Variants in SEPTIN9 observed in about 807,000 individuals in gnomAD.
SEPTIN9 encodes the protein septin-9.
Under a neutral mutation model 56.6 loss-of-function variants are expected in SEPTIN9, and 13 were observed. That is an observed-to-expected ratio of 0.23 (90% confidence interval 0.15 to 0.37). The LOEUF is 0.37. Ranked by LOEUF, SEPTIN9 falls within the 10% of genes least tolerant of loss-of-function variation. The probability of loss-of-function intolerance (pLI) is 1.00; values close to 1 mark genes in which losing one functional copy is unlikely to be tolerated. For missense variants in SEPTIN9, 650 were observed against 823.1 expected, an observed-to-expected ratio of 0.79 and a Z score of 2.57; for synonymous variants, 332 against 334.1, an observed-to-expected ratio of 0.99 and a Z score of 0.07.
At chr17:77,479,949 G>A (rs2039384511) in intron 3 of SEPTIN9, among the ~76,000 whole-genome samples, 2 of 152,182 alleles carry the variant, frequency 1.3e-5, no homozygotes, top group South Asian at 4.1e-4. Context: ...CATGGTCCAT[G>A]GCCAGATGCA....
chr17:77,444,192 G>C (rs181969123), intron 3 of SEPTIN9, among the ~76,000 whole-genome samples: 9 of 152,328 alleles, frequency 5.9e-5, no homozygotes, highest in African/African-American at 1.9e-4. Context: ...TGGCCAGATT[G>C]CAGGGGTCCT....
chr17:77,351,314 A>G (rs546017277), intron 2 of SEPTIN9, among the ~76,000 whole-genome samples: 1 of 152,144 alleles, frequency 6.6e-6, no homozygotes, highest in South Asian at 2.1e-4. Flanking sequence ...TAGGCCTGGC[A>G]GGAAACCGGG....
At chr17:77,351,275 CA>C (rs2034057148) in intron 2 of SEPTIN9, among the ~76,000 whole-genome samples, 1 of 148,552 alleles carries the variant, frequency 6.7e-6, no homozygotes, top group Non-Finnish European at 1.5e-5. Context: ...ACACACGAGT[CA>C]GGGGCGAGCA....
chr17:77,381,427 G>A (rs1449000208), intron 2 of SEPTIN9, among the ~76,000 whole-genome samples: 6 of 151,636 alleles, frequency 4.0e-5, no homozygotes, highest in African/African-American at 1.5e-4. Context: ...CCATGTGCAG[G>A]AAGCTGGTTC....
At chr17:77,459,957 T>A (rs920529985) in intron 3 of SEPTIN9, among the ~76,000 whole-genome samples, 1 of 152,110 alleles carries the variant, frequency 6.6e-6, no homozygotes, top group African/African-American at 2.4e-5. Flanking sequence ...ATTACAGGTG[T>A]GAGCCACCTC....
In SEPTIN9 at chr17:77,451,311, C is replaced by T; in HGVS notation, c.722-30833C>T. The T allele has an allele frequency of 4.2e-6, 4 of 961,484 alleles. No homozygotes were observed. Among genetic ancestry groups the T allele is most frequent in the Non-Finnish European group, 5.0e-6 (4 of 807,686 alleles). 59.6% of individuals were successfully genotyped at this position (961,484 alleles called of 1,614,324 possible). A position where few individuals can be genotyped will look rare whatever the true frequency, so the allele number is the denominator to read the frequency against. On this transcript the variant is annotated intron_variant, in intron 3 of 11. Transcript: ENST00000427177. This position sits in a 1 kb window ranked among gnomAD's most constrained non-coding sequence, Gnocchi z 4.2. ...CCCTATCTCTGCCTGCCCCCTCCTC[C>T]TGCTCCCCTCGCCCTGCCCCCTTGG...
In SEPTIN9 at chr17:77,433,348, G is replaced by C. The variant is rs2037217976; in HGVS notation, c.721+30645G>C. ...CCCGACCTGGTGGCTCCTGCCCCAA[G>C]GAGCAGAAAGGGGGTTCGCTAGGTC... On this transcript the variant is annotated intron_variant, in intron 3 of 11. Transcript: ENST00000427177. The surrounding 1 kb of genome is among the most constrained non-coding windows in gnomAD (Gnocchi z 6.4). Among the ~76,000 whole-genome samples, 1 of 152,246 alleles carries C rather than the reference G, an allele frequency of 6.6e-6. No homozygotes were observed. Among genetic ancestry groups the C allele is most frequent in the Admixed American group, 6.5e-5 (1 of 15,300 alleles).
intron 3 of SEPTIN9, among the ~76,000 whole-genome samples, chr17:77,420,680 A>C (rs1598347544): frequency 1.3e-5 from 2 of 150,364 alleles, no homozygotes; most frequent in East Asian, 2.0e-4. Flanking sequence ...TCTGTCTCCC[A>C]CCCTCTCCCC....
chr17:77,335,675 T>C (rs886535466), intron 2 of SEPTIN9, among the ~76,000 whole-genome samples: 16 of 127,020 alleles, frequency 1.3e-4, no homozygotes, highest in African/African-American at 4.6e-4. Context: ...GGCCCTATGT[T>C]GACTGTATAT....
At chr17:77,314,285 TC>T (rs1453655328) in intron 2 of SEPTIN9, among the ~76,000 whole-genome samples, 1 of 151,020 alleles carries the variant, frequency 6.6e-6, no homozygotes, top group Non-Finnish European at 1.5e-5. Flanking sequence ...CAAGTGATTC[TC>T]CTGCCTCAGC....
At chr17:77,322,539 C>CTTT (rs1387142590) in intron 2 of SEPTIN9, 1 of 152,280 alleles carries the variant, frequency 6.6e-6, no homozygotes, top group East Asian at 1.9e-4. Context: ...CCTGGGCAAA[C>CTTT]TTTAGCGCTG....
chr17:77,401,174 T>C (rs2035884177), intron 2 of SEPTIN9, among the ~76,000 whole-genome samples: 1 of 152,160 alleles, frequency 6.6e-6, no homozygotes, highest in Non-Finnish European at 1.5e-5. Flanking sequence ...CCATCTGTAC[T>C]GGGGGTACTG....
At chr17:77,414,604 G>A (rs1353474909) in intron 3 of SEPTIN9, among the ~76,000 whole-genome samples, 1 of 138,356 alleles carries the variant, frequency 7.2e-6, no homozygotes, top group East Asian at 2.1e-4. Flanking sequence ...TTGAGATAGG[G>A]TCTCACTCTG....
intron 3 of SEPTIN9, among the ~76,000 whole-genome samples, chr17:77,460,103 G>T (rs1419029944): frequency 6.6e-6 from 1 of 151,488 alleles, no homozygotes; most frequent in East Asian, 1.9e-4. Flanking sequence ...CCAACATCAG[G>T]GATCACATTT....
chr17:77,338,549 G>C (rs1206661749), intron 2 of SEPTIN9, among the ~76,000 whole-genome samples: 1 of 152,150 alleles, frequency 6.6e-6, no homozygotes, highest in Non-Finnish European at 1.5e-5. Flanking sequence ...CTCCCGAGTA[G>C]CTGGGACTAC....
chr17:77,293,151 G>A (rs1009331960), intron 1 of SEPTIN9, among the ~76,000 whole-genome samples: 11 of 151,932 alleles, frequency 7.2e-5, no homozygotes, highest in African/African-American at 2.4e-4. Flanking sequence ...CAAGTAGCTC[G>A]GACTATAGGT....
In SEPTIN9 at chr17:77,402,093, G is replaced by C; in HGVS notation, c.111G>C (p.Glu37Asp). 1 of 1,613,778 alleles carries C rather than the reference G, an allele frequency of 6.2e-7. No homozygotes were observed. Among genetic ancestry groups the C allele is most frequent in the Non-Finnish European group, 8.5e-7 (1 of 1,179,742 alleles). Residue 37 changes from glutamate to aspartate, a missense_variant, in exon 3 of 12, where the codon GAG becomes GAC. By Grantham distance (45) the Glu-to-Asp change is conservative. This residue lies in a region of SEPTIN9 where 317 missense variants were observed against 329.1 expected (regional missense o/e 0.96). Transcript: ENST00000427177. The surrounding 1 kb of genome is among the most constrained non-coding windows in gnomAD (Gnocchi z 6.6). ...LKRSFEVEEVETPNSTPPRRV... is the reference protein window; with the variant it reads ...LKRSFEVEEVDTPNSTPPRRV... ...GATCTTTTGAGGTCGAGGAGGTCGA[G>C]ACACCCAACTCCACCCCACCCCGGA...
In SEPTIN9 at chr17:77,323,114, T is replaced by C. The variant is rs2033001534; in HGVS notation, c.76+15917T>C. Among the ~76,000 whole-genome samples, 1 of 152,120 alleles carries C rather than the reference T, an allele frequency of 6.6e-6. No homozygotes were observed. Among genetic ancestry groups the C allele is most frequent in the South Asian group, 2.1e-4 (1 of 4,828 alleles). ...TTAGGAGCCCCAAGACCTGCCCTCT[T>C]GTCCCTCCCTCGGCAGTGTCTGGCT... On this transcript the variant is annotated intron_variant, in intron 2 of 11. Coordinates refer to ENST00000427177, the MANE Select transcript of SEPTIN9 (RefSeq NM_001113491.2). This position sits in a 1 kb window ranked among gnomAD's most constrained non-coding sequence, Gnocchi z 6.8.
At chr17:77,457,175 G>A (rs1355988262) in intron 3 of SEPTIN9, among the ~76,000 whole-genome samples, 2 of 152,176 alleles carry the variant, frequency 1.3e-5, no homozygotes, top group Admixed American at 1.3e-4. Flanking sequence ...CGGCACAGAT[G>A]GCACCCGATG....
Sources: gnomAD v4.1 joint callset for allele counts (sites outside exome capture counted in the v4.1 genomes callset) on GRCh38, gnomAD v4.1.1 for gene constraint, gnomAD v4.1.1 regional missense constraint, Gnocchi (gnomAD v3.1) non-coding constraint, MANE v1.5 for transcripts, NCBI Gene and HGNC (gene_info 2026-07-23, HGNC 2026-07-21) for gene names.